Variants in TTBK2 observed in about 807,000 individuals in gnomAD.
TTBK2 encodes the protein tau-tubulin kinase 2.
In TTBK2, 28 loss-of-function variants were observed where a neutral mutation model predicts 110.8. That is an observed-to-expected ratio of 0.25 (90% CI 0.19 to 0.35). The LOEUF (loss-of-function observed/expected upper bound fraction) is 0.35. Among genes scored for constraint, TTBK2 ranks in the 10% least tolerant of loss-of-function variants. The probability of loss-of-function intolerance (pLI) is 1.00; values close to 1 mark genes in which losing one functional copy is unlikely to be tolerated. For missense variants in TTBK2, 1,369 were observed against 1,500.3 expected (o/e 0.91, Z 1.45); for synonymous variants, 532 against 527.3 (o/e 1.01, Z -0.12).
At position 42,859,329 on chromosome 15, in the gene TTBK2, A is replaced by G. The variant is rs187400326; in HGVS notation, c.217+13282T>C. On this transcript the variant is annotated intron_variant, in intron 3 of 14. Coordinates refer to ENST00000267890, the MANE Select transcript of TTBK2 (RefSeq NM_173500.4). ...CACCACATTGCCCAGGCTGATCTCA[A>G]TCTCCTGGGCTCAAGCAATCCACCC... is the stretch of plus-strand genomic sequence containing the variant. 5.5e-4 allele frequency among the ~76,000 whole-genome samples: 84 copies of G among 152,146 alleles called. No homozygotes were observed. The East Asian group carries it at 8.5e-3, about 15-fold the overall frequency.
rs2061737142 is a variant in TTBK2 at position 42,739,383 on chromosome 15, T to C, written c.*6412A>G. The C allele has an allele frequency of 6.6e-6, 1 of 152,276 alleles. No individual in the cohort carries two copies. The highest frequency in any genetic ancestry group is 1.5e-5 in the Non-Finnish European group (1 of 68,058). The allele number at this position is 152,276 out of a possible 1,614,324, so 9.4% of individuals were successfully genotyped here. A position where few individuals can be genotyped will look rare whatever the true frequency, so the allele number is the denominator to read the frequency against. ...TTGTGGCTGAATCTGATTTAACAGC[T>C]GCCAATAGCTCATTACTTCTAAGAT... On this transcript the variant is annotated 3_prime_UTR_variant, in exon 15 of 15. Coordinates refer to ENST00000267890, the MANE Select transcript of TTBK2 (RefSeq NM_173500.4).
At chr15:42,916,368 C>T (rs967774934) in intron 1 of TTBK2, among the ~76,000 whole-genome samples, 1 of 152,198 alleles carries the variant, frequency 6.6e-6, no homozygotes, top group African/African-American at 2.4e-5. Flanking sequence ...CACTCTGTCA[C>T]CCAGGCTGGA....
At chr15:42,900,184 G>T (rs1291891561) in intron 1 of TTBK2, among the ~76,000 whole-genome samples, 4 of 151,304 alleles carry the variant, frequency 2.6e-5, no homozygotes, top group African/African-American at 9.7e-5. Context: ...GTCGAGACGG[G>T]GTTTCACCAT....
chr15:42,754,837 C>T (rs1389194026), intron 13 of TTBK2, among the ~76,000 whole-genome samples: 3 of 149,760 alleles, frequency 2.0e-5, no homozygotes, highest in East Asian at 4.0e-4. Flanking sequence ...GGTGAAACCC[C>T]GTCTCTACTA....
At chr15:42,748,405 C>T (rs898031746) in intron 14 of TTBK2, among the ~76,000 whole-genome samples, 12 of 151,700 alleles carry the variant, frequency 7.9e-5, no homozygotes, top group Admixed American at 2.6e-4. Flanking sequence ...TGCAGTGAGC[C>T]GGGATCGCAC....
intron 1 of TTBK2, among the ~76,000 whole-genome samples, chr15:42,892,774 C>A (rs1895510503): frequency 6.8e-6 from 1 of 147,118 alleles, no homozygotes; most frequent in African/African-American, 2.5e-5. Context: ...CTTTGGGAAG[C>A]TGAGGCAGGC....
At chr15:42,815,958 A>AAAAAAAAATATATAT (rs71108183) in intron 7 of TTBK2, among the ~76,000 whole-genome samples, 5 of 91,694 alleles carry the variant, frequency 5.5e-5, no homozygotes, top group African/African-American at 1.9e-4. Flanking sequence ...TTAAAAAAAA[A>AAAAAAAAATATATAT]ATATATATAT....
At position 42,753,125 on chromosome 15, in the gene TTBK2, T is replaced by A. The variant is rs951717096; in HGVS notation, c.2121A>T (p.Pro707=). 1 of 1,598,106 alleles carries A rather than the reference T, an allele frequency of 6.3e-7. No homozygotes were observed. The change falls in exon 14 of 15, where the codon CCA becomes CCT. Residue 707 remains proline, a synonymous_variant. Transcript: ENST00000267890. ...PMEPTVELYS[P]RENFSGLVVT... ...CAACCAAGCCAGAGAAGTTTTCCCT[T>A]GGAGAGTAAAGTTCCACAGTGGGCT...
chr15:42,829,696 G>A (rs1892671904), intron 5 of TTBK2, among the ~76,000 whole-genome samples: 2 of 152,032 alleles, frequency 1.3e-5, no homozygotes, highest in South Asian at 4.1e-4. Flanking sequence ...CACTGCCCCA[G>A]TCTCAGTTTT....
At chr15:42,770,116 G>GA (rs1889602742) in intron 13 of TTBK2, among the ~76,000 whole-genome samples, 1 of 141,684 alleles carries the variant, frequency 7.1e-6, no homozygotes, top group Non-Finnish European at 1.5e-5. Flanking sequence ...GTGGGGGGCA[G>GA]GGGGAGGGAT....
At position 42,744,198 on chromosome 15, in the gene TTBK2, A is replaced by G. The variant is rs906675445; in HGVS notation, c.*1597T>C. 2.0e-5 allele frequency: 3 copies of G among 152,206 alleles called. No homozygotes were observed. Among genetic ancestry groups the G allele is most frequent in the Non-Finnish European group, 4.4e-5 (3 of 68,032 alleles). 9.4% of individuals were successfully genotyped at this position (152,206 alleles called of 1,614,324 possible). A position where few individuals can be genotyped will look rare whatever the true frequency, so the allele number is the denominator to read the frequency against. On this transcript the variant is annotated 3_prime_UTR_variant, in exon 15 of 15. Transcript: ENST00000267890. ...CTACATTTCTTATAAGAGACGTTAT[A>G]TGCCTCAATAGTGTTTTGAGTTTGT...
intron 9 of TTBK2, chr15:42,802,268 G>T: frequency 1.3e-6 from 1 of 799,382 alleles, no homozygotes. Flanking sequence ...AGGCCACCCC[G>T]GAAGCTGCTG....
chr15:42,850,503 A>G (rs1270139144), intron 3 of TTBK2, among the ~76,000 whole-genome samples: 1 of 152,220 alleles, frequency 6.6e-6, no homozygotes, highest in Non-Finnish European at 1.5e-5. Context: ...CCAGGTTTTT[A>G]GCTGCATTCA....
chr15:42,914,835 CT>C (rs1048203825), intron 1 of TTBK2, among the ~76,000 whole-genome samples: 2 of 152,188 alleles, frequency 1.3e-5, no homozygotes, highest in Non-Finnish European at 2.9e-5. Flanking sequence ...AACTTCTTCC[CT>C]GAACCCACCT....
chr15:42,778,227 G>A (rs975309168), intron 11 of TTBK2, among the ~76,000 whole-genome samples: 1 of 148,642 alleles, frequency 6.7e-6, no homozygotes, highest in Admixed American at 6.7e-5. Context: ...AGGGTTATTT[G>A]GAATTAAATG....
At chr15:42,869,327 G>A (rs1013755131) in intron 3 of TTBK2, among the ~76,000 whole-genome samples, 1 of 151,040 alleles carries the variant, frequency 6.6e-6, no homozygotes, top group Non-Finnish European at 1.5e-5. Context: ...GACCTCAGGC[G>A]ATCCACCCAC....
At chr15:42,832,603 G>A (rs1892805199) in intron 4 of TTBK2, among the ~76,000 whole-genome samples, 1 of 152,120 alleles carries the variant, frequency 6.6e-6, no homozygotes, top group African/African-American at 2.4e-5. Context: ...TACTTTGCTG[G>A]TTTCAGTTAC....
chr15:42,806,146 T>C (rs183910246), intron 9 of TTBK2, among the ~76,000 whole-genome samples: 1 of 152,252 alleles, frequency 6.6e-6, no homozygotes, highest in Non-Finnish European at 1.5e-5. Context: ...GTGCCTGTGG[T>C]CCCAGCTACT....
At chr15:42,797,909 A>G (rs931999512) in intron 9 of TTBK2, among the ~76,000 whole-genome samples, 4 of 151,954 alleles carry the variant, frequency 2.6e-5, no homozygotes, top group Non-Finnish European at 5.9e-5. Flanking sequence ...TTTGAGACGG[A>G]GTCTCACTTT....
Sources: gnomAD v4.1 joint callset for allele counts (sites outside exome capture counted in the v4.1 genomes callset) on GRCh38, gnomAD v4.1.1 for gene constraint, MANE v1.5 for transcripts, NCBI Gene and HGNC (gene_info 2026-07-23, HGNC 2026-07-21) for gene names.